The following SRRM1 variants were observed in gnomAD, a reference collection of about 807,000 sequenced individuals.
The protein encoded by SRRM1 is serine and arginine repetitive matrix 1, also known as serine/arginine repetitive matrix protein 1.
Under a neutral mutation model 110.2 loss-of-function variants are expected in SRRM1, and 19 were observed. That is an observed-to-expected ratio of 0.17 (90% CI 0.12 to 0.25). SRRM1 has a LOEUF of 0.25. Among genes scored for constraint, SRRM1 ranks in the 10% least tolerant of loss-of-function variants. The probability of loss-of-function intolerance (pLI) is 1.00; values close to 1 mark genes in which losing one functional copy is unlikely to be tolerated. For synonymous variants in SRRM1, 443 were observed against 414.9 expected (o/e 1.07, Z -0.82); for missense variants, 918 against 1,145.8 (o/e 0.80, Z 2.87).
chr1:24,669,824 T>C (rs1671836757), intron 14 of SRRM1: 1 of 563,364 alleles, frequency 1.8e-6, no homozygotes, highest in East Asian at 3.0e-5. Context: ...AGGGGTATGC[T>C]TCCAAAACTA....
intron 15 of SRRM1, 79 bp downstream of exon 15, chr1:24,670,394 G>T (rs1423696034): frequency 1.4e-6 from 2 of 1,383,412 alleles, no homozygotes; most frequent in African/African-American, 3.0e-5. Flanking sequence ...TGTCATTGGG[G>T]CATTAAAATA....
intron 9 of SRRM1, among the ~76,000 whole-genome samples, chr1:24,656,233 C>G (rs953808546): frequency 6.6e-6 from 1 of 152,184 alleles, no homozygotes; most frequent in Non-Finnish European, 1.5e-5. Context: ...TGTGGTGATA[C>G]CTAGAAAGGC....
chr1:24,658,803 T>C (rs1665641509), intron 9 of SRRM1, among the ~76,000 whole-genome samples: 1 of 152,248 alleles, frequency 6.6e-6, no homozygotes, highest in Non-Finnish European at 1.5e-5. Flanking sequence ...AAGTATAGTT[T>C]GCTATTTGCA....
chr1:24,644,852 TAAAA>T (rs1265581035), intron 1 of SRRM1, among the ~76,000 whole-genome samples: 2 of 152,238 alleles, frequency 1.3e-5, no homozygotes, highest in Non-Finnish European at 2.9e-5. Flanking sequence ...TCCAAATAAA[TAAAA>T]GAGTAAGGTG....
At chr1:24,669,669 A>AG in intron 14 of SRRM1, 82 bp downstream of exon 14, 3 of 1,079,350 alleles carry the variant, frequency 2.8e-6, no homozygotes, top group Non-Finnish European at 4.0e-6. Flanking sequence ...CCCATATAAA[A>AG]GGAATAAGTT....
At chr1:24,661,249 A>G in intron 10 of SRRM1, 61 bp from the exon 11 acceptor site, 1 of 1,287,202 alleles carries the variant, frequency 7.8e-7, no homozygotes, top group Non-Finnish European at 1.1e-6. Flanking sequence ...TTCCTATTCA[A>G]ATTGCAAATT....
At chr1:24,657,323 G>A (rs1664695914) in intron 9 of SRRM1, among the ~76,000 whole-genome samples, 1 of 152,192 alleles carries the variant, frequency 6.6e-6, no homozygotes, top group African/African-American at 2.4e-5. Context: ...CTTGGTCAAG[G>A]TCAACCAACT....
chr1:24,665,285 C>T (rs1420795208), intron 12 of SRRM1, among the ~76,000 whole-genome samples: 1 of 151,946 alleles, frequency 6.6e-6, no homozygotes, highest in Non-Finnish European at 1.5e-5. Flanking sequence ...AAAAGTTAGC[C>T]GGGCGTGGTG....
At chr1:24,671,775 A>G (rs185205837) in intron 16 of SRRM1, among the ~76,000 whole-genome samples, 180 bp downstream of exon 16, 21 of 151,988 alleles carry the variant, frequency 1.4e-4, no homozygotes, top group African/African-American at 4.1e-4. Flanking sequence ...TTAGTATATC[A>G]GTTGTGCAGC....
intron 4 of SRRM1, 98 bp downstream of exon 4, chr1:24,649,127 A>G (rs1426709632): frequency 2.6e-6 from 3 of 1,168,156 alleles, no homozygotes; most frequent in Admixed American, 2.2e-5. Flanking sequence ...ATCTTCATGT[A>G]GTTTTGCTTT....
chr1:24,661,351 C>G lies in SRRM1; in HGVS notation c.1438C>G (p.Gln480Glu). Residue 480 changes from glutamine to glutamate, a missense_variant, in exon 11 of 17, where the codon CAG (glutamine) becomes GAG (glutamate). Gln to Glu is a conservative substitution (Grantham distance 29, BLOSUM62 2). Transcript: ENST00000323848. Reference protein sequence around the residue: ...GGKMAAADSVQQRRQYRRQNQ... With the variant: ...GGKMAAADSVEQRRQYRRQNQ... ...CAAAATGGCTGCAGCAGATTCTGTG[C>G]AGCAGAGACGCCAATACAGACGACA... 1 of 1,613,514 alleles carries G rather than the reference C, an allele frequency of 6.2e-7. No individual in the cohort carries two copies. The highest frequency in any genetic ancestry group is 8.5e-7 in the Non-Finnish European group (1 of 1,179,636).
At chr1:24,659,340 T>C (rs1665966197) in intron 9 of SRRM1, among the ~76,000 whole-genome samples, 2 of 152,222 alleles carry the variant, frequency 1.3e-5, no homozygotes, top group Non-Finnish European at 2.9e-5. Flanking sequence ...AATAAACCAT[T>C]ACAGAATTCT....
chr1:24,644,603 C>G (rs1173988397), intron 1 of SRRM1, among the ~76,000 whole-genome samples: 2 of 152,114 alleles, frequency 1.3e-5, no homozygotes, highest in African/African-American at 4.8e-5. Context: ...ATGTTATCCC[C>G]CAAGTATTTT....
intron 12 of SRRM1, 134 bp downstream of exon 12, chr1:24,662,938 G>T: frequency 1.6e-6 from 2 of 1,280,308 alleles, no homozygotes; most frequent in Non-Finnish European, 2.1e-6. Flanking sequence ...TGCTTTTTAG[G>T]GTTTCTGTTT....
chr1:24,663,130 A>G, intron 12 of SRRM1: 13 of 1,458,706 alleles, frequency 8.9e-6, no homozygotes, highest in Non-Finnish European at 1.2e-5. Context: ...CCACCCAAGT[A>G]AATAATTTAG....
At chr1:24,646,624 TAGGA>T (rs1202400409) in intron 2 of SRRM1, 39 bp from the exon 3 acceptor site, 1 of 1,515,688 alleles carries the variant, frequency 6.6e-7, no homozygotes, top group African/African-American at 1.4e-5. Context: ...CATTTTTTTT[TAGGA>T]TTGTGAAGTT....
intron 13 of SRRM1, among the ~76,000 whole-genome samples, chr1:24,667,965 CTTTTTTT>C (rs1038405035): frequency 1.0e-4 from 7 of 68,512 alleles, no homozygotes; most frequent in African/African-American, 4.8e-4. Context: ...TGCTGCCACT[CTTTTTTT>C]TTTTTTTTTT....
chr1:24,661,240 T>A (rs577828638), intron 10 of SRRM1, 70 bp from the exon 11 acceptor site: 8 of 1,092,050 alleles, frequency 7.3e-6, no homozygotes, highest in African/African-American at 1.6e-5. Flanking sequence ...GAGACTATTT[T>A]CCTATTCAAA....
At chr1:24,643,503 T>TGCGGCGGAGACCGGTGCGCC (rs1165379564) in intron 1 of SRRM1, 156 bp downstream of exon 1, 1 of 534,134 alleles carries the variant, frequency 1.9e-6, no homozygotes, top group African/African-American at 3.2e-5. Flanking sequence ...CCCCGTGCGC[T>TGCGGCGGAGACCGGTGCGCC]GCGGCGGAGA....
Sources: gnomAD v4.1 joint callset for allele counts (sites outside exome capture counted in the v4.1 genomes callset) on GRCh38, gnomAD v4.1.1 for gene constraint, MANE v1.5 for transcripts, NCBI Gene and HGNC (gene_info 2026-07-23, HGNC 2026-07-21) for gene names.